Variants in CADPS observed in about 807,000 individuals in gnomAD.
CADPS encodes the protein calcium dependent secretion activator, also known as calcium-dependent secretion activator 1.
A neutral mutation model predicts 167.3 loss-of-function variants in CADPS; 57 were observed. The ratio of observed to expected loss-of-function variants is 0.34; its 90% confidence interval spans 0.28 to 0.42. CADPS has a LOEUF of 0.42. Among genes scored for constraint, CADPS ranks in the 20% least tolerant of loss-of-function variants. The pLI, the probability that CADPS is intolerant of heterozygous loss-of-function variation, is 1.00. For synonymous variants in CADPS, 676 were observed against 635.3 expected (o/e 1.06, Z -0.96); for missense variants, 1,414 against 1,738.1 (o/e 0.81, Z 3.32).
At chr3:62,428,488 C>T (rs1189393204) in intron 28 of CADPS, among the ~76,000 whole-genome samples, 3 of 151,720 alleles carry the variant, frequency 2.0e-5, no homozygotes, top group East Asian at 1.9e-4. Flanking sequence ...AGAAGAGGGT[C>T]CTGGATGTCT....
intron 1 of CADPS, among the ~76,000 whole-genome samples, chr3:62,854,352 G>A (rs2079228156): frequency 1.3e-5 from 2 of 152,298 alleles, no homozygotes; most frequent in East Asian, 3.9e-4. Flanking sequence ...CTGGTGGCAG[G>A]AACATTCATC....
At chr3:62,845,789 A>G (rs1251019051) in intron 1 of CADPS, among the ~76,000 whole-genome samples, 1 of 152,136 alleles carries the variant, frequency 6.6e-6, no homozygotes, top group Non-Finnish European at 1.5e-5. Context: ...GATAGCCAAG[A>G]TTTTATTGAT....
rs113171177 is a variant in CADPS, at chr3:62,608,287, C to CT, written c.1326-15540dup. 7.4e-3 allele frequency among the ~76,000 whole-genome samples: 1,049 copies of CT among 141,922 alleles called. 8 individuals carry two copies. The highest frequency in any genetic ancestry group is 0.022 in the African/African-American group (873 of 38,922). 93.1% of individuals were successfully genotyped at this position (141,922 alleles called of 152,430 possible). A position where few individuals can be genotyped will look rare whatever the true frequency, so the allele number is the denominator to read the frequency against. The stretch of plus-strand genomic sequence containing the variant: ...GTATGAAAGTTGTTTGTTGTTGTTG[C>CT]TTTTTTTTTTTTTGAGACAGGATCT... On this transcript the variant is annotated intron_variant, in intron 6 of 29. Coordinates refer to ENST00000383710, the MANE Select transcript of CADPS (RefSeq NM_003716.4).
At chr3:62,537,709 T>C (rs1480574322) in intron 11 of CADPS, among the ~76,000 whole-genome samples, 4 of 151,944 alleles carry the variant, frequency 2.6e-5, no homozygotes. Flanking sequence ...AACATTTTCA[T>C]GTGTGGCCTC....
chr3:62,646,176 T>C (rs1225348295), intron 5 of CADPS, among the ~76,000 whole-genome samples: 1 of 151,016 alleles, frequency 6.6e-6, no homozygotes, highest in Non-Finnish European at 1.5e-5. Flanking sequence ...TTTTTTTTTT[T>C]TTTGAGATGG....
intron 4 of CADPS, among the ~76,000 whole-genome samples, chr3:62,660,284 G>C (rs773316987): frequency 6.6e-6 from 1 of 152,104 alleles, no homozygotes; most frequent in Non-Finnish European, 1.5e-5. Context: ...GAATATACTC[G>C]TTGTCTAAAA....
In CADPS at chr3:62,583,174, T is replaced by TCTCTCG. The variant is rs1352541765; in HGVS notation, c.1577+2010_1577+2011insCGAGAG. 2.0e-5 allele frequency among the ~76,000 whole-genome samples: 3 copies of TCTCTCG among 151,880 alleles called. No homozygotes were observed. The East Asian group carries it at 5.8e-4, about 29-fold the overall frequency. On this transcript the variant is annotated intron_variant, in intron 8 of 29. Transcript: ENST00000383710. ...CTCTTTGTCTCTCTCTCTCTCTCTCTCTCTCTCTCTCTCTTTCTACGTCTG... is the reference window on the plus strand; with the variant it reads ...CTCTTTGTCTCTCTCTCTCTCTCTCTCTCTCGCTCTCTCTCTCTCTTTCTACGTCTG...
chr3:62,818,057 A>G (rs2094711086), intron 1 of CADPS, among the ~76,000 whole-genome samples: 2 of 152,148 alleles, frequency 1.3e-5, no homozygotes, highest in South Asian at 4.1e-4. Context: ...TGATGTTAAA[A>G]TTCAGCGCCA....
rs2094146323 is a variant in CADPS at position 62,807,248 on chromosome 3, C to T, written c.442-41264G>A. ...CAAATATCAGTAAGCCAATTTAATT[C>T]TTTCATCAAATTTCCTTTTTTTTTT... On this transcript the variant is annotated intron_variant, in intron 1 of 29. Transcript: ENST00000383710. Among the ~76,000 whole-genome samples the T allele has an allele frequency of 2.6e-5, 4 of 151,054 alleles. No homozygotes were observed. The South Asian group carries it at 8.4e-4, about 32-fold the overall frequency.
chr3:62,557,301 A>T, intron 10 of CADPS, 104 bp downstream of exon 10: 3 of 781,350 alleles, frequency 3.8e-6, no homozygotes, highest in Non-Finnish European at 4.6e-6. Context: ...TAGTGAATTG[A>T]CTTAGTGCCT....
At chr3:62,606,480 CAG>C (rs752767542) in intron 6 of CADPS, among the ~76,000 whole-genome samples, 1 of 152,200 alleles carries the variant, frequency 6.6e-6, no homozygotes, top group Non-Finnish European at 1.5e-5. Context: ...TAGGACTCTG[CAG>C]AGAGTCCCCA....
chr3:62,778,000 A>G (rs1185913715), intron 1 of CADPS, among the ~76,000 whole-genome samples: 1 of 152,196 alleles, frequency 6.6e-6, no homozygotes, highest in Non-Finnish European at 1.5e-5. Flanking sequence ...GCTTATTACA[A>G]TGCTATTTAT....
At chr3:62,792,040 C>A (rs148971599) in intron 1 of CADPS, among the ~76,000 whole-genome samples, 3 of 152,228 alleles carry the variant, frequency 2.0e-5, no homozygotes, top group East Asian at 3.9e-4. Context: ...ACAGCCCATG[C>A]TGAAAAGATG....
chr3:62,806,986 C>G (rs1478453973), intron 1 of CADPS, among the ~76,000 whole-genome samples: 1 of 152,120 alleles, frequency 6.6e-6, no homozygotes, highest in African/African-American at 2.4e-5. Context: ...TTTTTAAAAT[C>G]AAGGGCTTTG....
At chr3:62,595,316 G>A (rs2058753404) in intron 6 of CADPS, among the ~76,000 whole-genome samples, 4 of 152,096 alleles carry the variant, frequency 2.6e-5, no homozygotes, top group Admixed American at 2.6e-4. Flanking sequence ...ACAGATAGAA[G>A]CTCCTAAGTG....
At chr3:62,583,589 C>A (rs1317327755) in intron 8 of CADPS, among the ~76,000 whole-genome samples, 2 of 152,154 alleles carry the variant, frequency 1.3e-5, no homozygotes, top group Admixed American at 6.5e-5. Flanking sequence ...TTGCCATAAT[C>A]CCAGCTCAGG....
intron 6 of CADPS, among the ~76,000 whole-genome samples, chr3:62,638,920 C>T (rs11923391): frequency 0.018 from 2,787 of 152,206 alleles, 101 homozygotes; most frequent in African/African-American, 0.062. Flanking sequence ...CACAGGTTGG[C>T]AAATTTATGA....
chr3:62,632,738 G>C (rs538791977), intron 6 of CADPS, among the ~76,000 whole-genome samples: 61 of 152,046 alleles, frequency 4.0e-4, no homozygotes, highest in Non-Finnish European at 7.6e-4. Flanking sequence ...TATAAACCAA[G>C]CAGGAAATGA....
At chr3:62,743,980 T>C (rs767120912) in intron 3 of CADPS, among the ~76,000 whole-genome samples, 1 of 152,194 alleles carries the variant, frequency 6.6e-6, no homozygotes, top group Non-Finnish European at 1.5e-5. Context: ...ATCTTCTCTA[T>C]GGAAAAGATG....
Sources: gnomAD v4.1 joint callset for allele counts (sites outside exome capture counted in the v4.1 genomes callset) on GRCh38, gnomAD v4.1.1 for gene constraint, MANE v1.5 for transcripts, NCBI Gene and HGNC (gene_info 2026-07-23, HGNC 2026-07-21) for gene names.